The following VAV3 variants were observed in gnomAD, a reference collection of about 807,000 sequenced individuals.
VAV3 encodes guanine nucleotide exchange factor VAV3.
In VAV3, 94 loss-of-function variants were observed where a neutral mutation model predicts 131.2. The ratio of observed to expected loss-of-function variants is 0.72; its 90% CI spans 0.61 to 0.85. The LOEUF (loss-of-function observed/expected upper bound fraction) is 0.85. Ranked by LOEUF, VAV3 falls within the 40% of genes least tolerant of loss-of-function variation. The pLI, the probability that VAV3 is intolerant of heterozygous loss-of-function variation, is 0.00. For missense variants in VAV3, 939 were observed against 1,002.7 expected (o/e 0.94, Z 0.86); for synonymous variants, 349 against 342.0 (o/e 1.02, Z -0.22).
At position 107,735,546 on chromosome 1, in the gene VAV3, A is replaced by G. The variant is rs553258399; in HGVS notation, c.1502+13422T>C. On this transcript the variant is annotated intron_variant, in intron 15 of 26. Coordinates refer to ENST00000370056, the MANE Select transcript of VAV3 (RefSeq NM_006113.5). The stretch of plus-strand genomic sequence containing the variant: ...GGATATCACCACCGATCCCACAGAA[A>G]TACAAACTACCATCAGAGAATACTA... 4.6e-5 allele frequency among the ~76,000 whole-genome samples: 7 copies of G among 152,338 alleles called. No individual in the cohort carries two copies. In the East Asian group the frequency reaches 1.2e-3, roughly 25 times the overall value.
intron 20 of VAV3, among the ~76,000 whole-genome samples, chr1:107,633,722 T>C (rs1013534540): frequency 3.3e-5 from 5 of 152,124 alleles, no homozygotes; most frequent in African/African-American, 1.2e-4. Context: ...TCCAGCAGTT[T>C]CCACTTTTAC....
intron 2 of VAV3, among the ~76,000 whole-genome samples, chr1:107,861,098 G>A (rs1386625236): frequency 1.3e-5 from 2 of 151,460 alleles, no homozygotes; most frequent in Admixed American, 1.3e-4. Context: ...AGAAATTTCT[G>A]TTACATCTCT....
intron 15 of VAV3, among the ~76,000 whole-genome samples, chr1:107,747,050 T>C (rs1271259783): frequency 6.6e-6 from 1 of 152,072 alleles, no homozygotes; most frequent in Non-Finnish European, 1.5e-5. Context: ...CGGCTAATTT[T>C]TGTATTTCTA....
chr1:107,888,174 T>A lies in VAV3; in HGVS notation c.205-13157A>T, dbSNP rs562374771. Among the ~76,000 whole-genome samples, 35 of 152,328 alleles carry A rather than the reference T, an allele frequency of 2.3e-4. No individual in the cohort carries two copies. In the South Asian group the frequency reaches 5.8e-3, roughly 25 times the overall value. On this transcript the variant is annotated intron_variant, in intron 1 of 26. Coordinates refer to ENST00000370056, the MANE Select transcript of VAV3 (RefSeq NM_006113.5). Reference sequence around the variant, plus strand: ...GAGAACACTGTTATTAACCCCACACTGTGATATCTTCTTTATTGAAAGAGG... The same window carrying A: ...GAGAACACTGTTATTAACCCCACACAGTGATATCTTCTTTATTGAAAGAGG...
At chr1:107,963,939 G>A (rs1208986359) in intron 1 of VAV3, among the ~76,000 whole-genome samples, 5 of 152,218 alleles carry the variant, frequency 3.3e-5, no homozygotes, top group Non-Finnish European at 7.3e-5. Flanking sequence ...TCCAGCCCCA[G>A]GAGCCGACCG....
chr1:107,964,140 C>T (rs1037224939), intron 1 of VAV3, among the ~76,000 whole-genome samples: 1 of 152,222 alleles, frequency 6.6e-6, no homozygotes, highest in African/African-American at 2.4e-5. Flanking sequence ...GTTCTGCTCC[C>T]TGTTCTTCCC....
chr1:107,611,519 T>G (rs1456051167), intron 21 of VAV3, among the ~76,000 whole-genome samples: 1 of 151,442 alleles, frequency 6.6e-6, no homozygotes, highest in Non-Finnish European at 1.5e-5. Flanking sequence ...GAAAAATATT[T>G]CCTCTTTCCC....
chr1:107,783,462 G>C (rs746070070), intron 2 of VAV3, among the ~76,000 whole-genome samples: 8 of 152,260 alleles, frequency 5.3e-5, no homozygotes, highest in South Asian at 4.1e-4. Context: ...TGAGGGCTAA[G>C]GGAAGAAGAA....
chr1:107,839,805 T>C (rs1382730438), intron 2 of VAV3, among the ~76,000 whole-genome samples: 1 of 152,000 alleles, frequency 6.6e-6, no homozygotes, highest in Non-Finnish European at 1.5e-5. Flanking sequence ...AAAAGAAAGA[T>C]GACACAAATT....
At chr1:107,708,174 T>C (rs540664668) in intron 15 of VAV3, among the ~76,000 whole-genome samples, 5 of 152,226 alleles carry the variant, frequency 3.3e-5, no homozygotes, top group African/African-American at 1.2e-4. Context: ...TTATACAGGA[T>C]TGACATCACA....
chr1:107,730,951 ATC>A (rs1190759031), intron 15 of VAV3, among the ~76,000 whole-genome samples: 1 of 152,166 alleles, frequency 6.6e-6, no homozygotes, highest in Non-Finnish European at 1.5e-5. Context: ...AAAATACTTA[ATC>A]TCTCTACTAT....
chr1:107,770,824 T>C (rs532336320), intron 5 of VAV3, 96 bp from the exon 6 acceptor site: 7 of 989,648 alleles, frequency 7.1e-6, no homozygotes, highest in South Asian at 1.6e-5. Flanking sequence ...TTTCTTAAAC[T>C]TTCCTTTCTA....
chr1:107,654,560 TC>T (rs976026371), intron 19 of VAV3, among the ~76,000 whole-genome samples: 3 of 152,016 alleles, frequency 2.0e-5, no homozygotes, highest in Non-Finnish European at 4.4e-5. Context: ...TCAATATTTT[TC>T]CCCCAACCAT....
intron 25 of VAV3, among the ~76,000 whole-genome samples, chr1:107,582,912 C>A (rs968340963): frequency 6.6e-6 from 1 of 152,048 alleles, no homozygotes; most frequent in African/African-American, 2.4e-5. Context: ...ATTTATAGTC[C>A]TTTGGGTATA....
chr1:107,857,968 T>C (rs1669547275), intron 2 of VAV3, among the ~76,000 whole-genome samples: 2 of 152,218 alleles, frequency 1.3e-5, no homozygotes, highest in South Asian at 4.1e-4. Context: ...GCAGATTTTA[T>C]TTATGTAACA....
intron 1 of VAV3, among the ~76,000 whole-genome samples, chr1:107,922,728 G>A (rs1178744299): frequency 3.3e-5 from 5 of 151,684 alleles, no homozygotes; most frequent in East Asian, 1.9e-4. Flanking sequence ...AGAGGCGGGC[G>A]GATCATGAGG....
chr1:107,724,922 C>T (rs1661745569), intron 15 of VAV3, among the ~76,000 whole-genome samples: 1 of 151,726 alleles, frequency 6.6e-6, no homozygotes. Flanking sequence ...TGTTCTGTGG[C>T]CAAGGAGTGA....
At chr1:107,622,488 T>C (rs971360652) in intron 20 of VAV3, among the ~76,000 whole-genome samples, 1 of 152,326 alleles carries the variant, frequency 6.6e-6, no homozygotes, top group Non-Finnish European at 1.5e-5. Flanking sequence ...AGAACTGCTT[T>C]GAGAAAAATA....
chr1:107,833,015 C>A (rs1472243951), intron 2 of VAV3, among the ~76,000 whole-genome samples: 1 of 151,862 alleles, frequency 6.6e-6, no homozygotes, highest in East Asian at 1.9e-4. Flanking sequence ...TTTTTCGCAA[C>A]TAGAAAATCA....
Sources: allele counts gnomAD v4.1 joint callset (sites outside exome capture counted in the v4.1 genomes callset), GRCh38; gene constraint gnomAD v4.1.1; transcripts MANE v1.5; gene names NCBI Gene and HGNC (gene_info 2026-07-23, HGNC 2026-07-21).